Variants in SH3PXD2A observed in about 807,000 individuals in gnomAD.
SH3PXD2A encodes the protein SH3 and PX domains 2A.
Under a neutral mutation model 115.2 loss-of-function variants are expected in SH3PXD2A, and 32 were observed. The ratio of observed to expected loss-of-function variants is 0.28; its 90% CI spans 0.21 to 0.37. The LOEUF (loss-of-function observed/expected upper bound fraction) is 0.37, where lower values mean the gene tolerates loss of function less well. Ranked by LOEUF, SH3PXD2A falls within the 10% of genes least tolerant of loss-of-function variation. The pLI is 1.00. For missense variants in SH3PXD2A, 1,328 were observed against 1,498.7 expected, an observed-to-expected ratio of 0.89 and a Z score of 1.88; for synonymous variants, 610 against 629.1, an observed-to-expected ratio of 0.97 and a Z score of 0.45.
At chr10:103,668,848 G>A (rs893365415) in intron 6 of SH3PXD2A, among the ~76,000 whole-genome samples, 196 bp from the exon 7 acceptor site, 1 of 152,250 alleles carries the variant, frequency 6.6e-6, no homozygotes, top group Non-Finnish European at 1.5e-5. Context: ...GATTACAGAG[G>A]CGCTGGGACA....
intron 4 of SH3PXD2A, among the ~76,000 whole-genome samples, chr10:103,724,786 TAAACA>T (rs1460725407): frequency 1.3e-5 from 2 of 149,446 alleles, no homozygotes; most frequent in Non-Finnish European, 3.0e-5. Flanking sequence ...ACAACTGACT[TAAACA>T]AAAAAAAAAA....
intron 5 of SH3PXD2A, among the ~76,000 whole-genome samples, chr10:103,717,577 T>A (rs2038120342): frequency 1.3e-5 from 2 of 152,188 alleles, no homozygotes; most frequent in African/African-American, 4.8e-5. Flanking sequence ...CAAAGGTGGA[T>A]CCTGGGGCCC....
chr10:103,750,012 C>T (rs1431202278), intron 3 of SH3PXD2A: 3 of 73,990 alleles, frequency 4.1e-5, no homozygotes, highest in African/African-American at 1.1e-4. Context: ...TTAAGCAGTT[C>T]TGAATTCCTG....
chr10:103,830,697 T>C (rs2039475143), intron 1 of SH3PXD2A, among the ~76,000 whole-genome samples: 1 of 152,182 alleles, frequency 6.6e-6, no homozygotes. Context: ...ATGGATCTTA[T>C]AAATATAGTA....
At position 103,607,228 on chromosome 10, in the gene SH3PXD2A, C is replaced by T. The variant is rs560041008; in HGVS notation, c.1309-1311G>A. ...GAGGAGCCTCTCTGCCCAGCCGCCC[C>T]GTCTGGGAAGTGAGGAGACTCTCCG... On this transcript the variant is annotated intron_variant, in intron 13 of 14. Coordinates refer to ENST00000369774, the MANE Select transcript of SH3PXD2A (RefSeq NM_001394015.1). Among the ~76,000 whole-genome samples, 229 of 151,698 alleles carry T rather than the reference C, an allele frequency of 1.5e-3. 1 individual carries two copies. Among genetic ancestry groups the T allele is most frequent in the African/African-American group, 4.8e-3 (198 of 41,358 alleles).
Position 103,710,010 on chromosome 10 carries a change from A to T in SH3PXD2A, c.398+14260T>A, listed in dbSNP as rs574149832. The stretch of plus-strand genomic sequence containing the variant: ...CTTGGGAGGCTGAGGCAGGAGAGTC[A>T]CTTGGACCCGGGAGGCGGAGGTTGC... On this transcript the variant is annotated intron_variant, in intron 5 of 14. Coordinates refer to ENST00000369774, the MANE Select transcript of SH3PXD2A (RefSeq NM_001394015.1). 8.2e-3 allele frequency among the ~76,000 whole-genome samples: 1,244 copies of T among 151,552 alleles called. 14 individuals carry two copies. Among genetic ancestry groups the T allele is most frequent in the African/African-American group, 0.029 (1,178 of 41,234 alleles).
At chr10:103,840,082 T>G (rs12570809) in intron 1 of SH3PXD2A, among the ~76,000 whole-genome samples, 67,852 of 152,152 alleles carry the variant, frequency 0.45, 15,914 homozygotes, top group Non-Finnish European at 0.51. Context: ...GAGGCAGAAA[T>G]GATGGCGCCA....
rs571348058 is a variant in SH3PXD2A at position 103,689,289 on chromosome 10, G to T, written c.427+3739C>A. On this transcript the variant is annotated intron_variant, in intron 6 of 14. Coordinates refer to ENST00000369774, the MANE Select transcript of SH3PXD2A (RefSeq NM_001394015.1). ...GTGGGGTCTTCCTGGAGAGATGAAG[G>T]GGTTTCTAAGGCATGTGATGGTGGA... Among the ~76,000 whole-genome samples, 246 of 152,238 alleles carry T rather than the reference G, an allele frequency of 1.6e-3. 1 individual carries two copies. Among genetic ancestry groups the T allele is most frequent in the African/African-American group, 5.7e-3 (236 of 41,522 alleles).
Position 103,706,455 on chromosome 10 carries a change from C to G in SH3PXD2A, c.399-13399G>C, listed in dbSNP as rs187511740. 1.2e-3 allele frequency among the ~76,000 whole-genome samples: 189 copies of G among 152,334 alleles called. 3 individuals are homozygous for G. Among genetic ancestry groups the G allele is most frequent in the Admixed American group, 1.3e-3 (20 of 15,300 alleles). On this transcript the variant is annotated intron_variant, in intron 5 of 14. Coordinates refer to ENST00000369774, the MANE Select transcript of SH3PXD2A (RefSeq NM_001394015.1). The stretch of plus-strand genomic sequence containing the variant: ...GCCTAATACACTTTCTGGCACCCCC[C>G]CAAACCTTGTTCTAGCAGAGCACTG...
At chr10:103,795,903 A>AAAGGAAGGAAGG (rs747408854) in intron 2 of SH3PXD2A, among the ~76,000 whole-genome samples, 3,572 of 120,004 alleles carry the variant, frequency 0.03, 113 homozygotes, top group South Asian at 0.057. Context: ...GGAGGGAGGA[A>AAAGGAAGGAAGG]AAGGAAGGAA....
At position 103,661,707 on chromosome 10, in the gene SH3PXD2A, C is replaced by A. The variant is rs576708017; in HGVS notation, c.473-593G>T. ...GAGAGAGCGGGAGAGAGCTTCTCCA[C>A]GGCCCAGGCCCAGGCGAGGAGTCAA... On this transcript the variant is annotated intron_variant, in intron 7 of 14. Coordinates refer to ENST00000369774, the MANE Select transcript of SH3PXD2A (RefSeq NM_001394015.1). 6.1e-6 allele frequency: 6 copies of A among 985,328 alleles called. No individual in the cohort carries two copies. The African/African-American group carries it at 8.7e-5, about 14-fold the overall frequency. The allele number at this position is 985,328 out of a possible 1,614,324, so 61.0% of individuals were successfully genotyped here.
intron 2 of SH3PXD2A, among the ~76,000 whole-genome samples, chr10:103,780,978 C>A (rs2038926808): frequency 6.6e-6 from 1 of 152,196 alleles, no homozygotes; most frequent in Admixed American, 6.5e-5. Flanking sequence ...TTGTCCGTCC[C>A]TGCACACTGC....
At chr10:103,831,479 A>AT (rs893567207) in intron 1 of SH3PXD2A, among the ~76,000 whole-genome samples, 2 of 151,986 alleles carry the variant, frequency 1.3e-5, no homozygotes, top group Admixed American at 6.6e-5. Context: ...GGACAGAAGC[A>AT]TTTTTTTTAA....
Position 103,724,300 on chromosome 10 carries a change from G to A in SH3PXD2A, c.368C>T (p.Ala123Val). The change falls in exon 5 of 15, where the codon GCT (alanine) becomes GTT (valine). Residue 123 changes from alanine (A) to valine (V), a missense_variant. This residue lies in a region of SH3PXD2A where 90 missense variants were observed against 71.1 expected (regional missense o/e 1.27). Coordinates refer to ENST00000369774, the MANE Select transcript of SH3PXD2A (RefSeq NM_001394015.1). ...TGGAGGGTTGACATCCTCGGGTCGA[G>A]CCTCGAAGAACCGGAAGACTTCGTC... ...QCDEVFRFFE[A>V]RPEDVNPPKE... The A allele has an allele frequency of 1.3e-6, 2 of 1,580,812 alleles. No individual in the cohort carries two copies. The highest frequency in any genetic ancestry group is 1.2e-5 in the South Asian group (1 of 86,114).
intron 5 of SH3PXD2A, among the ~76,000 whole-genome samples, chr10:103,705,257 C>G (rs945881113): frequency 2.0e-5 from 3 of 152,166 alleles, no homozygotes; most frequent in African/African-American, 7.2e-5. Flanking sequence ...AGGCTTGTGC[C>G]CATGAACCCC....
At chr10:103,852,590 C>T (rs1842906516) in intron 1 of SH3PXD2A, among the ~76,000 whole-genome samples, 1 of 152,168 alleles carries the variant, frequency 6.6e-6, no homozygotes, top group Non-Finnish European at 1.5e-5. Flanking sequence ...GGGTGCAGCA[C>T]GTCCTGCCAG....
chr10:103,814,300 G>T (rs2039301469), intron 1 of SH3PXD2A, among the ~76,000 whole-genome samples: 1 of 152,202 alleles, frequency 6.6e-6, no homozygotes, highest in Non-Finnish European at 1.5e-5. Flanking sequence ...AGGGGTCAGA[G>T]TCCAGCCCTT....
chr10:103,757,282 T>G (rs1240014580), intron 3 of SH3PXD2A, among the ~76,000 whole-genome samples: 1 of 152,176 alleles, frequency 6.6e-6, no homozygotes, highest in East Asian at 1.9e-4. Context: ...TGCTCAAACT[T>G]AACTTCTTCA....
chr10:103,763,346 T>A, intron 3 of SH3PXD2A, among the ~76,000 whole-genome samples: 1 of 152,176 alleles, frequency 6.6e-6, no homozygotes, highest in African/African-American at 2.4e-5. Flanking sequence ...GCTCAGCACA[T>A]CCCAGCATCT....
Sources: allele counts gnomAD v4.1 joint callset (sites outside exome capture counted in the v4.1 genomes callset), GRCh38; gene constraint gnomAD v4.1.1; regional missense constraint gnomAD v4.1.1; transcripts MANE v1.5; gene names NCBI Gene and HGNC (gene_info 2026-07-23, HGNC 2026-07-21).